Variants in GSG1L observed in about 807,000 individuals in gnomAD.
The protein encoded by GSG1L is germ cell-specific gene 1-like protein.
GSG1L carries 24 observed loss-of-function variants against 42.1 expected under a neutral mutation model. That is an observed-to-expected ratio of 0.57 (90% CI 0.41 to 0.80). GSG1L has a LOEUF of 0.80. Among genes scored for constraint, GSG1L ranks in the 30% least tolerant of loss-of-function variants. The pLI is 0.00. For synonymous variants in GSG1L, 215 were observed against 203.5 expected (o/e 1.06, Z -0.48); for missense variants, 445 against 472.2 (o/e 0.94, Z 0.53).
intron 3 of GSG1L, among the ~76,000 whole-genome samples, chr16:27,874,521 G>A (rs932830703): frequency 7.3e-6 from 1 of 137,256 alleles, no homozygotes; most frequent in African/African-American, 2.7e-5. Flanking sequence ...AATCATGGCT[G>A]ACTGCAGCCT....
intron 2 of GSG1L, among the ~76,000 whole-genome samples, chr16:27,888,473 TC>T (rs2084067014): frequency 1.3e-5 from 1 of 75,384 alleles, no homozygotes; most frequent in Non-Finnish European, 3.0e-5. Context: ...TCTCTCTCTC[TC>T]TCTCTTTCCT....
At chr16:27,861,575 AG>A (rs2083652496) in intron 3 of GSG1L, among the ~76,000 whole-genome samples, 1 of 152,132 alleles carries the variant, frequency 6.6e-6, no homozygotes, top group Non-Finnish European at 1.5e-5. Flanking sequence ...TCACTATAGC[AG>A]AGCATTGGAA....
chr16:27,853,758 A>C (rs1395225283), intron 3 of GSG1L, among the ~76,000 whole-genome samples: 1 of 152,178 alleles, frequency 6.6e-6, no homozygotes, highest in African/African-American at 2.4e-5. Context: ...AGCCTTGTTC[A>C]GCTCAGCTGC....
chr16:28,018,326 A>G (rs2085803113), intron 1 of GSG1L, among the ~76,000 whole-genome samples: 1 of 152,234 alleles, frequency 6.6e-6, no homozygotes, highest in African/African-American at 2.4e-5. Flanking sequence ...TAGGAATCTA[A>G]GTCTGCAATT....
rs2084867814 is a variant in GSG1L, at chr16:27,946,606, AGAGAGAG to A, written c.397+16543_397+16549del. 1.6e-3 allele frequency among the ~76,000 whole-genome samples: 9 copies of A among 5,490 alleles called. 1 individual carries two copies. Among genetic ancestry groups the A allele is most frequent in the African/African-American group, 7.8e-3 (9 of 1,160 alleles). 3.6% of individuals were successfully genotyped at this position (5,490 alleles called of 152,430 possible). ...GAGAGAGAGAGAGAGAGAGAGAGAG[AGAGAGAG>A]AGAGAGAGAGAGAGAGAGAAAGAAA... On this transcript the variant is annotated intron_variant, in intron 2 of 6. Transcript: ENST00000447459.
chr16:27,991,963 G>C lies in GSG1L; in HGVS notation c.350-28760C>G, dbSNP rs184769775. On this transcript the variant is annotated intron_variant, in intron 1 of 6. Transcript: ENST00000447459. ...GTGGGTGAGTGAGATTGTCAGGGCA[G>C]GTTTCCAGGGGTGGAGCGTAAGAAA... 3.9e-3 allele frequency among the ~76,000 whole-genome samples: 590 copies of C among 152,274 alleles called. 6 individuals are homozygous for C. The highest frequency in any genetic ancestry group is 0.013 in the African/African-American group (554 of 41,572).
intron 2 of GSG1L, among the ~76,000 whole-genome samples, chr16:27,916,996 G>A (rs1338201243): frequency 6.6e-6 from 1 of 152,176 alleles, no homozygotes; most frequent in African/African-American, 2.4e-5. Context: ...GCTAAATAAA[G>A]AGTTGGGTGA....
intron 4 of GSG1L, among the ~76,000 whole-genome samples, chr16:27,840,827 GC>G (rs1172451413): frequency 6.6e-6 from 1 of 152,050 alleles, no homozygotes; most frequent in African/African-American, 2.4e-5. Context: ...GCTGTGTGAA[GC>G]CCCTCCGGCC....
chr16:28,003,650 T>C (rs1042744835), intron 1 of GSG1L, among the ~76,000 whole-genome samples: 4 of 152,190 alleles, frequency 2.6e-5, no homozygotes, highest in Non-Finnish European at 5.9e-5. Flanking sequence ...GGAGAAGAAC[T>C]GGGCCGGCCA....
intron 5 of GSG1L, among the ~76,000 whole-genome samples, chr16:27,814,850 G>C (rs79127139): frequency 0.023 from 3,444 of 152,244 alleles, 140 homozygotes; most frequent in African/African-American, 0.079. Context: ...GTAAATGTCA[G>C]TACGTGACAA....
intron 2 of GSG1L, among the ~76,000 whole-genome samples, chr16:27,940,710 G>A (rs1381924480): frequency 8.9e-6 from 1 of 112,566 alleles, no homozygotes; most frequent in Admixed American, 9.1e-5. Context: ...TTGTGGGGTG[G>A]GGGGAGTGGG....
In GSG1L at chr16:27,973,439, CAAAAAAAAA is replaced by C. The variant is rs71140935; in HGVS notation, c.350-10245_350-10237del. Among the ~76,000 whole-genome samples, 78 of 29,856 alleles carry C rather than the reference CAAAAAAAAA, an allele frequency of 2.6e-3. 1 individual carries two copies. The highest frequency in any genetic ancestry group is 0.011 in the East Asian group (8 of 738). The allele number at this position is 29,856 out of a possible 152,430, so 19.6% of individuals were successfully genotyped here. A position where few individuals can be genotyped will look rare whatever the true frequency, so the allele number is the denominator to read the frequency against. ...AGCCTGGGCAATAAAGACCCCATCA[CAAAAAAAAA>C]AAAAAAAAAAAAAAAAAAAAGAGTG... On this transcript the variant is annotated intron_variant, in intron 1 of 6. Transcript: ENST00000447459.
At chr16:28,034,613 G>T (rs1183243289) in intron 1 of GSG1L, among the ~76,000 whole-genome samples, 1 of 151,958 alleles carries the variant, frequency 6.6e-6, no homozygotes, top group Non-Finnish European at 1.5e-5. Context: ...ATCCCATGGG[G>T]TGACAACACA....
At chr16:27,920,752 A>T (rs1286935441) in intron 2 of GSG1L, among the ~76,000 whole-genome samples, 1 of 152,188 alleles carries the variant, frequency 6.6e-6, no homozygotes, top group Non-Finnish European at 1.5e-5. Context: ...AAATCCCAGA[A>T]GATTGCCACT....
At chr16:27,927,454 C>T (rs2084607491) in intron 2 of GSG1L, among the ~76,000 whole-genome samples, 1 of 152,166 alleles carries the variant, frequency 6.6e-6, no homozygotes, top group Non-Finnish European at 1.5e-5. Context: ...AGGAAAGATG[C>T]CTCACCTGGA....
chr16:27,826,535 G>T (rs552558373), intron 5 of GSG1L, among the ~76,000 whole-genome samples: 1 of 152,134 alleles, frequency 6.6e-6, no homozygotes, highest in African/African-American at 2.4e-5. Flanking sequence ...GAGGGGAGGC[G>T]GTCCCAGGAA....
At chr16:27,909,044 C>T (rs1029298503) in intron 2 of GSG1L, among the ~76,000 whole-genome samples, 3 of 152,158 alleles carry the variant, frequency 2.0e-5, no homozygotes, top group Non-Finnish European at 4.4e-5. Context: ...TGGGGCCCAT[C>T]ATTTAACATT....
At chr16:27,965,085 C>T (rs1442271392) in intron 1 of GSG1L, among the ~76,000 whole-genome samples, 1 of 152,176 alleles carries the variant, frequency 6.6e-6, no homozygotes, top group Non-Finnish European at 1.5e-5. Flanking sequence ...GTGGTGCAAT[C>T]TCGGCTCACT....
At chr16:28,034,919 T>C (rs1047905886) in intron 1 of GSG1L, among the ~76,000 whole-genome samples, 4 of 152,220 alleles carry the variant, frequency 2.6e-5, no homozygotes, top group African/African-American at 9.7e-5. Flanking sequence ...CTTCTCTGAC[T>C]GCCAGCTTGT....
Sources: allele counts gnomAD v4.1 joint callset (sites outside exome capture counted in the v4.1 genomes callset), GRCh38; gene constraint gnomAD v4.1.1; transcripts MANE v1.5; gene names NCBI Gene and HGNC (gene_info 2026-07-23, HGNC 2026-07-21).